Variants in CSMD1 observed in about 807,000 individuals in gnomAD.
CSMD1 encodes CUB and Sushi multiple domains 1, also known as CUB and sushi domain-containing protein 1.
Under a neutral mutation model 417.5 loss-of-function variants are expected in CSMD1, and 213 were observed. That is an observed-to-expected ratio of 0.51 (90% confidence interval 0.46 to 0.57). The LOEUF (loss-of-function observed/expected upper bound fraction) is 0.57. Ranked by LOEUF, CSMD1 falls within the 20% of genes least tolerant of loss-of-function variation. The pLI is 0.00. For synonymous variants in CSMD1, 2,862 were observed against 1,736.8 expected (o/e 1.65, Z -16.11); for missense variants, 6,923 against 4,529.7 (o/e 1.53, Z -15.17).
At chr8:3,729,084 G>C (rs1802664085) in intron 6 of CSMD1, among the ~76,000 whole-genome samples, 1 of 152,222 alleles carries the variant, frequency 6.6e-6, no homozygotes, top group Non-Finnish European at 1.5e-5. Context: ...ATCTGAACAT[G>C]TCAGCCAGGG....
Position 3,754,021 on chromosome 8 carries a change from G to C in CSMD1, c.840C>G (p.Pro280=), listed in dbSNP as rs1484154850. The C allele has an allele frequency of 3.7e-6, 6 of 1,612,506 alleles. No homozygotes were observed. The African/African-American group carries it at 5.4e-5, about 14-fold the overall frequency. The change falls in exon 6 of 70, where the codon CCC becomes CCG. Residue 280 remains proline (P), a synonymous_variant. Transcript: ENST00000635120. The part of the protein sequence containing the change: ...PSIWLTGMNL[P]SPVISSKNWL... Reference sequence around the variant, plus strand: ...AATTCTTGCTACTGATAACTGGAGAGGGGAGGTTCATGCCAGTTAGCCTAG... The same window carrying C: ...AATTCTTGCTACTGATAACTGGAGACGGGAGGTTCATGCCAGTTAGCCTAG...
At chr8:4,697,087 G>A (rs1011700698) in intron 1 of CSMD1, among the ~76,000 whole-genome samples, 2 of 152,104 alleles carry the variant, frequency 1.3e-5, no homozygotes, top group African/African-American at 4.8e-5. Context: ...CAGGAGAATT[G>A]CTTGAACCCA....
In CSMD1 at chr8:3,604,962, T is replaced by C. The variant is rs576365116; in HGVS notation, c.1097+11748A>G. ...TGTGCCTTTGGTTTCCCTCATTTCTTCATCATTTAAAAAAATGATTCAATA... is the reference window on the plus strand; with the variant it reads ...TGTGCCTTTGGTTTCCCTCATTTCTCCATCATTTAAAAAAATGATTCAATA... On this transcript the variant is annotated intron_variant, in intron 8 of 69. Transcript: ENST00000635120. 5.1e-4 allele frequency among the ~76,000 whole-genome samples: 77 copies of C among 152,330 alleles called. No individual in the cohort carries two copies. The South Asian group carries it at 0.015, about 30-fold the overall frequency.
At chr8:4,703,501 T>G (rs376036084) in intron 1 of CSMD1, among the ~76,000 whole-genome samples, 1 of 152,160 alleles carries the variant, frequency 6.6e-6, no homozygotes, top group South Asian at 2.1e-4. Context: ...ACATGTATAC[T>G]TCATGAAAGT....
chr8:4,456,262 A>G (rs1799477501), intron 2 of CSMD1, among the ~76,000 whole-genome samples: 1 of 152,124 alleles, frequency 6.6e-6, no homozygotes, highest in Admixed American at 6.5e-5. Context: ...ATGTAACAGA[A>G]AAGATGTTAA....
At chr8:3,593,550 T>G (rs1442737743) in intron 8 of CSMD1, among the ~76,000 whole-genome samples, 4 of 152,002 alleles carry the variant, frequency 2.6e-5, no homozygotes, top group Non-Finnish European at 4.4e-5. Flanking sequence ...TGAGAGAGAG[T>G]GAAGGGATGT....
intron 2 of CSMD1, among the ~76,000 whole-genome samples, chr8:4,435,100 A>C (rs2128949422): frequency 6.6e-6 from 1 of 152,368 alleles, no homozygotes; most frequent in African/African-American, 2.4e-5. Context: ...CATTAACAGT[A>C]GATGCTAAAA....
chr8:4,841,876 A>G, intron 1 of CSMD1, among the ~76,000 whole-genome samples: 1 of 129,742 alleles, frequency 7.7e-6, no homozygotes, highest in East Asian at 2.5e-4. Context: ...GCACCGTTGC[A>G]CTCTAGCCGG....
intron 10 of CSMD1, among the ~76,000 whole-genome samples, chr8:3,500,035 G>A (rs1283813978): frequency 6.6e-6 from 1 of 152,072 alleles, no homozygotes; most frequent in Non-Finnish European, 1.5e-5. Flanking sequence ...ACAGGCATCT[G>A]GGGTGGGAGT....
At chr8:4,433,465 C>T (rs1001622216) in intron 2 of CSMD1, among the ~76,000 whole-genome samples, 14 of 152,290 alleles carry the variant, frequency 9.2e-5, no homozygotes, top group African/African-American at 3.4e-4. Context: ...GAGGTCAACG[C>T]ACTGGCTATC....
rs1486458185 is a variant in CSMD1 at position 3,307,088 on chromosome 8, T to C, written c.3950+607A>G. ...CCTGCACACAAGTCTTTTTAAAATA[T>C]GACTTTGCTTCTCTTCCTATTAAAA... On this transcript the variant is annotated intron_variant, in intron 25 of 69. Transcript: ENST00000635120. 2.6e-5 allele frequency among the ~76,000 whole-genome samples: 4 copies of C among 152,192 alleles called. No individual in the cohort carries two copies. In the South Asian group the frequency reaches 6.2e-4, roughly 24 times the overall value.
chr8:4,456,472 G>T (rs1384022731), intron 2 of CSMD1, among the ~76,000 whole-genome samples: 1 of 152,146 alleles, frequency 6.6e-6, no homozygotes, highest in Non-Finnish European at 1.5e-5. Context: ...ATCACCAACA[G>T]ACAGGGAATA....
rs991302006 is a variant in CSMD1, at chr8:3,938,287, C to G, written c.818+59616G>C. 1.3e-5 allele frequency among the ~76,000 whole-genome samples: 2 copies of G among 152,066 alleles called. 1 individual carries two copies. The highest frequency in any genetic ancestry group is 4.1e-4 in the South Asian group (2 of 4,830). ...AATCTACAGAGCACAAGGGAAAAAA[C>G]TGCATGCTGGAGTTCCTTAAATAAT... On this transcript the variant is annotated intron_variant, in intron 5 of 69. Transcript: ENST00000635120.
chr8:3,935,836 A>G (rs1215261491), intron 5 of CSMD1, among the ~76,000 whole-genome samples: 3 of 152,168 alleles, frequency 2.0e-5, no homozygotes, highest in Admixed American at 1.3e-4. Flanking sequence ...ACATGTCTCT[A>G]TCACTTTAAA....
intron 49 of CSMD1, among the ~76,000 whole-genome samples, chr8:3,053,162 G>A (rs1259500063): frequency 2.0e-5 from 3 of 152,120 alleles, no homozygotes. Flanking sequence ...GAGGAACAAT[G>A]GAAAATGGGT....
intron 3 of CSMD1, among the ~76,000 whole-genome samples, chr8:4,409,999 A>C (rs1275354901): frequency 6.6e-6 from 1 of 152,060 alleles, no homozygotes; most frequent in Non-Finnish European, 1.5e-5. Flanking sequence ...TTTTTAGTAG[A>C]GATGGGATTT....
In CSMD1 at chr8:3,326,226, A is replaced by G. The variant is rs549335168; in HGVS notation, c.3631+17068T>C. Among the ~76,000 whole-genome samples the G allele has an allele frequency of 7.9e-5, 12 of 152,338 alleles. No homozygotes were observed. The South Asian group carries it at 2.1e-3, about 26-fold the overall frequency. Reference sequence around the variant, plus strand: ...GGTCAGTTAGCAAGGATGATAAAACATCATATTAAACTGTAAGAGACTGGA... The same window carrying G: ...GGTCAGTTAGCAAGGATGATAAAACGTCATATTAAACTGTAAGAGACTGGA... On this transcript the variant is annotated intron_variant, in intron 23 of 69. Transcript: ENST00000635120.
chr8:4,134,000 A>C (rs150700038), intron 3 of CSMD1, among the ~76,000 whole-genome samples: 93 of 152,374 alleles, frequency 6.1e-4, no homozygotes, highest in African/African-American at 2.1e-3. Context: ...ATAAAAGAAG[A>C]GAAATAATAC....
At chr8:3,215,676 T>A (rs962055292) in intron 29 of CSMD1, among the ~76,000 whole-genome samples, 1 of 152,220 alleles carries the variant, frequency 6.6e-6, no homozygotes, top group African/African-American at 2.4e-5. Flanking sequence ...TATCTTCTGG[T>A]AGCCTTAATA....
Sources: gnomAD v4.1 joint callset for allele counts (sites outside exome capture counted in the v4.1 genomes callset) on GRCh38, gnomAD v4.1.1 for gene constraint, MANE v1.5 for transcripts, NCBI Gene and HGNC (gene_info 2026-07-23, HGNC 2026-07-21) for gene names.